Variants in IQUB observed in about 807,000 individuals in gnomAD.
IQUB encodes IQ motif and ubiquitin domain containing.
In IQUB, 86 loss-of-function variants were observed where a neutral mutation model predicts 86.4. That is an observed-to-expected ratio of 1.00 (90% CI 0.84 to 1.19). The LOEUF (loss-of-function observed/expected upper bound fraction) is 1.19, where lower values mean the gene tolerates loss of function less well. IQUB is among the 50% of genes most tolerant of loss of function. IQUB has a pLI of 0.00. For synonymous variants in IQUB, 289 were observed against 304.5 expected (o/e 0.95, Z 0.53); for missense variants, 946 against 916.9 (o/e 1.03, Z -0.41).
chr7:123,453,998 C>T (rs1335333224), intron 12 of IQUB, among the ~76,000 whole-genome samples: 1 of 152,036 alleles, frequency 6.6e-6, no homozygotes, highest in Admixed American at 6.6e-5. Flanking sequence ...GAGAATAAGA[C>T]ATTCCCTCAA....
chr7:123,462,223 G>GTCTT (rs1794023750), intron 10 of IQUB, among the ~76,000 whole-genome samples: 1 of 151,734 alleles, frequency 6.6e-6, no homozygotes, highest in African/African-American at 2.4e-5. Context: ...ATATATGCCA[G>GTCTT]TCTTTCCTAA....
intron 1 of IQUB, among the ~76,000 whole-genome samples, chr7:123,517,394 T>G (rs922979919): frequency 3.3e-5 from 5 of 150,990 alleles, no homozygotes; most frequent in Admixed American, 6.6e-5. Flanking sequence ...AGCCGGGCGT[T>G]GTGGCAGGCG....
intron 7 of IQUB, among the ~76,000 whole-genome samples, chr7:123,489,145 T>C (rs1795347490): frequency 6.6e-6 from 1 of 152,220 alleles, no homozygotes; most frequent in South Asian, 2.1e-4. Flanking sequence ...GACCTATGTA[T>C]AACATGAGAA....
intron 1 of IQUB, among the ~76,000 whole-genome samples, chr7:123,522,751 G>A (rs1285224674): frequency 6.6e-6 from 1 of 152,080 alleles, no homozygotes; most frequent in Non-Finnish European, 1.5e-5. Flanking sequence ...TGTGCACAAT[G>A]TGCAGGTTAC....
At chr7:123,512,638 G>GC (rs1462205729) in intron 1 of IQUB, among the ~76,000 whole-genome samples, 1 of 152,100 alleles carries the variant, frequency 6.6e-6, no homozygotes, top group East Asian at 1.9e-4. Context: ...AATGAAGAAT[G>GC]CCTCATGAAA....
intron 1 of IQUB, among the ~76,000 whole-genome samples, chr7:123,531,371 C>A (rs1303237183): frequency 6.6e-6 from 1 of 152,086 alleles, no homozygotes; most frequent in East Asian, 1.9e-4. Context: ...ATCAGCTATC[C>A]TAGGTACTGC....
At chr7:123,495,238 T>C (rs756737621) in intron 7 of IQUB, among the ~76,000 whole-genome samples, 3 of 152,198 alleles carry the variant, frequency 2.0e-5, no homozygotes, top group East Asian at 1.9e-4. Flanking sequence ...AATACTACCA[T>C]AGTAGTTGTA....
intron 3 of IQUB, among the ~76,000 whole-genome samples, chr7:123,508,811 T>A (rs1375757812): frequency 6.6e-6 from 1 of 152,190 alleles, no homozygotes; most frequent in Non-Finnish European, 1.5e-5. Flanking sequence ...AGTTTTGGGT[T>A]TCCTTCTCCC....
At chr7:123,474,895 C>T (rs1794682169) in intron 8 of IQUB, among the ~76,000 whole-genome samples, 1 of 152,164 alleles carries the variant, frequency 6.6e-6, no homozygotes, top group Non-Finnish European at 1.5e-5. Context: ...AACTCCAATT[C>T]TAAAACATGT....
At chr7:123,477,487 C>G (rs560010100) in intron 8 of IQUB, among the ~76,000 whole-genome samples, 2 of 152,064 alleles carry the variant, frequency 1.3e-5, no homozygotes, top group Non-Finnish European at 2.9e-5. Context: ...CCATAAAAAC[C>G]CTAGGAGAAA....
intron 12 of IQUB, chr7:123,456,619 C>T (rs947010737): frequency 6.6e-6 from 1 of 151,950 alleles, no homozygotes; most frequent in African/African-American, 2.4e-5. Flanking sequence ...CTTTACTTTC[C>T]TTTAGCTGAC....
chr7:123,517,480 G>A (rs374892591), intron 1 of IQUB, among the ~76,000 whole-genome samples: 1 of 124,908 alleles, frequency 8.0e-6, no homozygotes, highest in Admixed American at 1.1e-4. Context: ...GCAGTGAGCC[G>A]AGATTGCGCC....
intron 7 of IQUB, among the ~76,000 whole-genome samples, chr7:123,485,348 G>A (rs1225194622): frequency 6.6e-6 from 1 of 151,952 alleles, no homozygotes; most frequent in East Asian, 1.9e-4. Context: ...ATTGGATTAA[G>A]GCCAACCTGT....
intron 10 of IQUB, among the ~76,000 whole-genome samples, chr7:123,462,287 G>T (rs1358413490): frequency 6.6e-6 from 1 of 151,728 alleles, no homozygotes; most frequent in Non-Finnish European, 1.5e-5. Flanking sequence ...AACAGAGTTT[G>T]CATGTGATAT....
intron 1 of IQUB, among the ~76,000 whole-genome samples, chr7:123,521,387 A>G (rs897008266): frequency 6.6e-6 from 1 of 152,148 alleles, no homozygotes; most frequent in African/African-American, 2.4e-5. Flanking sequence ...TCACGCCTGT[A>G]ATCCCAGCAC....
rs763470846 is a variant in IQUB, at chr7:123,469,390, AAAT to A, written c.1411-9_1411-7del. ...CATATTTTTGGAGCTGAACACTTAA[AAAT>A]AATATTATGTTTATAATTATCAGTT... is the stretch of plus-strand genomic sequence containing the variant. On this transcript the variant is annotated splice_polypyrimidine_tract_variant and splice_region_variant and intron_variant, in intron 8 of 12. Coordinates refer to ENST00000324698, the MANE Select transcript of IQUB (RefSeq NM_178827.5). 1.3e-6 allele frequency: 2 copies of A among 1,515,620 alleles called. No homozygotes were observed. Among genetic ancestry groups the A allele is most frequent in the East Asian group, 2.3e-5 (1 of 43,554 alleles). 93.9% of individuals were successfully genotyped at this position (1,515,620 alleles called of 1,614,324 possible). A position where few individuals can be genotyped will look rare whatever the true frequency, so the allele number is the denominator to read the frequency against.
intron 1 of IQUB, among the ~76,000 whole-genome samples, chr7:123,533,458 C>G (rs1213503477): frequency 2.0e-5 from 3 of 152,054 alleles, no homozygotes; most frequent in African/African-American, 2.4e-5. Context: ...CTTATATTTC[C>G]CATTGTATGT....
chr7:123,496,181 C>A (rs924532155), intron 7 of IQUB, among the ~76,000 whole-genome samples: 1 of 152,020 alleles, frequency 6.6e-6, no homozygotes, highest in African/African-American at 2.4e-5. Context: ...TTAATTTATC[C>A]ATGACTAGCA....
chr7:123,504,781 C>T (rs138462328), intron 3 of IQUB, among the ~76,000 whole-genome samples: 17 of 152,198 alleles, frequency 1.1e-4, no homozygotes, highest in African/African-American at 3.9e-4. Flanking sequence ...TATCATTTTG[C>T]TCCTGGCTCC....
Sources: gnomAD v4.1 joint callset for allele counts (sites outside exome capture counted in the v4.1 genomes callset) on GRCh38, gnomAD v4.1.1 for gene constraint, MANE v1.5 for transcripts, NCBI Gene and HGNC (gene_info 2026-07-23, HGNC 2026-07-21) for gene names.